Variants in SLC8A1 observed in about 807,000 individuals in gnomAD.
SLC8A1 encodes solute carrier family 8 member A1.
Under a neutral mutation model 68.3 loss-of-function variants are expected in SLC8A1, and 18 were observed. The observed-to-expected ratio is 0.26, with a 90% CI of 0.18 to 0.39. The LOEUF is 0.39. Among genes scored for constraint, SLC8A1 ranks in the 10% least tolerant of loss-of-function variants. SLC8A1 has a pLI of 1.00. For synonymous variants in SLC8A1, 475 were observed against 415.5 expected (o/e 1.14, Z -1.74); for missense variants, 985 against 1,156.7 (o/e 0.85, Z 2.15).
At chr2:40,299,591 G>A (rs191587322) in intron 2 of SLC8A1, among the ~76,000 whole-genome samples, 1 of 152,260 alleles carries the variant, frequency 6.6e-6, no homozygotes, top group East Asian at 1.9e-4. Context: ...GAGGTGATGT[G>A]CAAACATTTG....
chr2:40,335,241 A>G (rs1186308608), intron 2 of SLC8A1, among the ~76,000 whole-genome samples: 1 of 152,238 alleles, frequency 6.6e-6, no homozygotes, highest in African/African-American at 2.4e-5. Flanking sequence ...TAAATAATGT[A>G]AAGACAAAGC....
chr2:40,347,410 G>A (rs1669700976), intron 2 of SLC8A1, among the ~76,000 whole-genome samples: 1 of 152,198 alleles, frequency 6.6e-6, no homozygotes, highest in African/African-American at 2.4e-5. Flanking sequence ...TACTATCGTA[G>A]AAGTCAGCAG....
chr2:40,385,849 A>G (rs555886872), intron 2 of SLC8A1, among the ~76,000 whole-genome samples: 1 of 151,372 alleles, frequency 6.6e-6, no homozygotes, highest in African/African-American at 2.5e-5. Flanking sequence ...AAATTATAAA[A>G]TGTCCAAATA....
chr2:40,311,466 T>C (rs2073656691), intron 2 of SLC8A1, among the ~76,000 whole-genome samples: 3 of 152,106 alleles, frequency 2.0e-5, no homozygotes, highest in East Asian at 1.9e-4. Context: ...AAGGCATTAA[T>C]ATGGCGGTAT....
chr2:40,347,530 C>T (rs1334598081), intron 2 of SLC8A1, among the ~76,000 whole-genome samples: 1 of 152,190 alleles, frequency 6.6e-6, no homozygotes, highest in East Asian at 1.9e-4. Context: ...CTCTGACTCT[C>T]AGTTCCCATA....
At chr2:40,304,001 G>A (rs183505694) in intron 2 of SLC8A1, among the ~76,000 whole-genome samples, 10 of 152,292 alleles carry the variant, frequency 6.6e-5, no homozygotes, top group South Asian at 4.1e-4. Flanking sequence ...TCAACAAGAC[G>A]TCATTTACCA....
chr2:40,331,996 C>G (rs1165588315), intron 2 of SLC8A1, among the ~76,000 whole-genome samples: 1 of 152,022 alleles, frequency 6.6e-6, no homozygotes, highest in Non-Finnish European at 1.5e-5. Flanking sequence ...ATCGCACTGT[C>G]TGGAGTGCAG....
At chr2:40,309,174 C>A (rs1240164407) in intron 2 of SLC8A1, among the ~76,000 whole-genome samples, 1 of 152,134 alleles carries the variant, frequency 6.6e-6, no homozygotes, top group Non-Finnish European at 1.5e-5. Flanking sequence ...GGTGACAGTG[C>A]TTTAGGTAAA....
At chr2:40,280,891 A>C (rs2067419182) in intron 2 of SLC8A1, among the ~76,000 whole-genome samples, 1 of 152,208 alleles carries the variant, frequency 6.6e-6, no homozygotes, top group Non-Finnish European at 1.5e-5. Context: ...CAGTTCTCTC[A>C]AATAGAATTA....
chr2:40,400,208 C>G (rs1688295638), intron 2 of SLC8A1, among the ~76,000 whole-genome samples: 1 of 152,158 alleles, frequency 6.6e-6, no homozygotes, highest in African/African-American at 2.4e-5. Flanking sequence ...CCGAATAAAC[C>G]CCTTCCTTCT....
intron 2 of SLC8A1, among the ~76,000 whole-genome samples, chr2:40,331,647 G>A (rs1194189398): frequency 6.6e-6 from 1 of 151,900 alleles, no homozygotes; most frequent in East Asian, 1.9e-4. Flanking sequence ...AGGCTAGGGT[G>A]CAATGGTGCG....
intron 4 of SLC8A1, among the ~76,000 whole-genome samples, chr2:40,166,702 A>G (rs557347691): frequency 6.6e-6 from 1 of 152,338 alleles, no homozygotes; most frequent in African/African-American, 2.4e-5. Context: ...ATGAAGTGCA[A>G]TTTATCCAGC....
chr2:40,501,761 C>G (rs776683639), intron 1 of SLC8A1, among the ~76,000 whole-genome samples: 3 of 151,992 alleles, frequency 2.0e-5, no homozygotes, highest in Non-Finnish European at 4.4e-5. Context: ...TAGTAGGGAT[C>G]TCAATCCAAG....
intron 2 of SLC8A1, among the ~76,000 whole-genome samples, chr2:40,390,817 A>G (rs1317129628): frequency 1.3e-5 from 2 of 152,146 alleles, no homozygotes; most frequent in African/African-American, 4.8e-5. Context: ...AAGTGAGCTT[A>G]AGAAAATGTA....
upstream of SLC8A1, among the ~76,000 whole-genome samples, chr2:40,454,528 A>G (rs990576515): frequency 6.8e-6 from 1 of 146,326 alleles, no homozygotes; most frequent in East Asian, 2.0e-4. Context: ...GAAAGGCTAC[A>G]TCTTGGCCAC....
intron 2 of SLC8A1, among the ~76,000 whole-genome samples, chr2:40,198,584 G>A (rs566352772): frequency 6.6e-6 from 1 of 152,024 alleles, no homozygotes; most frequent in Non-Finnish European, 1.5e-5. Flanking sequence ...TATAAATACA[G>A]AATGAAACCT....
intron 2 of SLC8A1, among the ~76,000 whole-genome samples, chr2:40,422,200 G>C (rs966571390): frequency 2.6e-5 from 4 of 152,128 alleles, no homozygotes. Flanking sequence ...CTCTACTGTT[G>C]CAAGGCTAAA....
intron 2 of SLC8A1, among the ~76,000 whole-genome samples, chr2:40,404,507 A>G (rs760459592): frequency 3.3e-5 from 5 of 152,224 alleles, no homozygotes; most frequent in Non-Finnish European, 7.3e-5. Context: ...GTAAAATTCA[A>G]TATCCCAAGA....
chr2:40,454,828 C>T (rs764890622), upstream of SLC8A1, among the ~76,000 whole-genome samples: 1 of 152,172 alleles, frequency 6.6e-6, no homozygotes, highest in Non-Finnish European at 1.5e-5. Context: ...CGAGAATTAT[C>T]AAAGGCTGCA....
Sources: allele counts gnomAD v4.1 joint callset (sites outside exome capture counted in the v4.1 genomes callset), GRCh38; gene constraint gnomAD v4.1.1; transcripts MANE v1.5; gene names NCBI Gene and HGNC (gene_info 2026-07-23, HGNC 2026-07-21).